RAC1: variants seen among roughly 807,000 people sequenced by gnomAD.
RAC1 encodes ras-related C3 botulinum toxin substrate 1.
Under a neutral mutation model 25.2 loss-of-function variants are expected in RAC1, and 2 were observed. The observed-to-expected ratio is 0.08, with a 90% CI of 0.03 to 0.25. The LOEUF (loss-of-function observed/expected upper bound fraction) is 0.25. Ranked by LOEUF, RAC1 falls within the 10% of genes least tolerant of loss-of-function variation. RAC1 has a pLI of 1.00. For missense variants in RAC1, 50 were observed against 235.7 expected (o/e 0.21, Z 5.16); for synonymous variants, 88 against 94.0 (o/e 0.94, Z 0.37).
chr7:6,399,634 C>T (rs895888427), intron 3 of RAC1, among the ~76,000 whole-genome samples: 2 of 152,210 alleles, frequency 1.3e-5, no homozygotes, highest in African/African-American at 4.8e-5. Context: ...ACTAAGTCCT[C>T]CTTCCTTGTG....
intron 3 of RAC1, among the ~76,000 whole-genome samples, chr7:6,397,017 C>T (rs1468332836): frequency 5.2e-5 from 7 of 135,106 alleles, no homozygotes; most frequent in African/African-American, 8.5e-5. Flanking sequence ...GGCGACAGAG[C>T]GAGACTCCCT....
chr7:6,398,073 G>C (rs1783297766), intron 3 of RAC1, among the ~76,000 whole-genome samples: 1 of 152,184 alleles, frequency 6.6e-6, no homozygotes, highest in Non-Finnish European at 1.5e-5. Flanking sequence ...CAACAGTGCT[G>C]ATTTTGATAA....
intron 1 of RAC1, among the ~76,000 whole-genome samples, chr7:6,376,867 A>G (rs1421387282): frequency 2.1e-5 from 3 of 145,730 alleles, no homozygotes; most frequent in South Asian, 2.2e-4. Context: ...AGATACGTTT[A>G]TTTAATACTA....
intron 1 of RAC1, among the ~76,000 whole-genome samples, chr7:6,379,418 T>C (rs866278): frequency 6.6e-6 from 1 of 151,516 alleles, no homozygotes; most frequent in African/African-American, 2.4e-5. Context: ...GGGATTACAG[T>C]CACGCTCCAC....
chr7:6,398,830 T>C (rs1224886366), intron 3 of RAC1: 5 of 1,000,738 alleles, frequency 5.0e-6, no homozygotes, highest in Middle Eastern at 2.1e-4. Flanking sequence ...GTTTTATATT[T>C]AATTCACTCA....
intron 3 of RAC1, chr7:6,398,528 G>C: frequency 1.4e-6 from 1 of 693,720 alleles, no homozygotes; most frequent in Non-Finnish European, 2.5e-6. Flanking sequence ...AGATATGTTA[G>C]AATCTATTGT....
intron 1 of RAC1, among the ~76,000 whole-genome samples, chr7:6,377,601 G>A (rs904824142): frequency 1.3e-5 from 2 of 151,578 alleles, no homozygotes; most frequent in Non-Finnish European, 2.9e-5. Flanking sequence ...TCTCAAAAAA[G>A]CAAAAACAAA....
intron 3 of RAC1, chr7:6,398,834 T>A: frequency 1.0e-6 from 1 of 960,702 alleles, no homozygotes; most frequent in Non-Finnish European, 1.6e-6. Context: ...TATATTTAAT[T>A]CACTCAAGGT....
chr7:6,392,809 G>A (rs1783125655), intron 3 of RAC1, among the ~76,000 whole-genome samples: 1 of 152,198 alleles, frequency 6.6e-6, no homozygotes, highest in African/African-American at 2.4e-5. Context: ...GATTCCTTGG[G>A]TTGATAACCT....
intron 2 of RAC1, 70 bp from the exon 3 acceptor site, chr7:6,391,851 CCTT>C: frequency 6.2e-7 from 1 of 1,604,464 alleles, no homozygotes; most frequent in South Asian, 1.1e-5. Context: ...TCTTGGCACA[CCTT>C]CTCTAGGATG....
intron 4 of RAC1, 47 bp downstream of exon 4, chr7:6,400,235 T>C: frequency 2.0e-6 from 3 of 1,499,832 alleles, no homozygotes; most frequent in African/African-American, 1.4e-5. Context: ...AATGATCCTC[T>C]CAGAAATAAA....
In RAC1 at chr7:6,374,554, T is replaced by TGG. The variant is rs1782521752; in HGVS notation, c.-180_-179dup. The TGG allele has an allele frequency of 5.0e-6, 1 of 199,924 alleles. No individual in the cohort carries two copies. The highest frequency in any genetic ancestry group is 1.7e-4 in the South Asian group (1 of 5,964). The allele number at this position is 199,924 out of a possible 1,614,324, so 12.4% of individuals were successfully genotyped here. A position where few individuals can be genotyped will look rare whatever the true frequency, so the allele number is the denominator to read the frequency against. Reference sequence around the variant, plus strand: ...GTTTCTCTGCAGTTTTCCTCAGCTTTGGGTGGTGGCCGCTGCCGGGCATCG... The same window carrying TGG: ...GTTTCTCTGCAGTTTTCCTCAGCTTTGGGGGTGGTGGCCGCTGCCGGGCATCG... On this transcript the variant is annotated 5_prime_UTR_variant, in exon 1 of 6. Transcript: ENST00000348035.
chr7:6,381,301 G>A (rs568663622), intron 1 of RAC1, among the ~76,000 whole-genome samples: 4 of 152,052 alleles, frequency 2.6e-5, no homozygotes, highest in African/African-American at 9.7e-5. Context: ...TCAGACTTCA[G>A]CTCAGTTGTA....
chr7:6,398,403 G>C (rs756695788), intron 3 of RAC1, among the ~76,000 whole-genome samples: 3 of 152,128 alleles, frequency 2.0e-5, no homozygotes, highest in Non-Finnish European at 4.4e-5. Flanking sequence ...ATGGGAGGAG[G>C]AGCACGTTGT....
chr7:6,394,258 C>T (rs528696078), intron 3 of RAC1, among the ~76,000 whole-genome samples: 35 of 152,300 alleles, frequency 2.3e-4, no homozygotes, highest in African/African-American at 4.6e-4. Flanking sequence ...ATTTCTTCTT[C>T]GTTCTCCAAA....
At chr7:6,383,906 G>A (rs1277290241) in intron 1 of RAC1, among the ~76,000 whole-genome samples, 2 of 140,280 alleles carry the variant, frequency 1.4e-5, no homozygotes, top group African/African-American at 5.3e-5. Context: ...GGGTTCAAGC[G>A]ACTCTCCTGC....
At chr7:6,389,943 C>G (rs576941347) in intron 2 of RAC1, among the ~76,000 whole-genome samples, 19 of 145,244 alleles carry the variant, frequency 1.3e-4, no homozygotes, top group Non-Finnish European at 2.7e-4. Context: ...CCTTCCCTCC[C>G]TCCCTCTCTC....
intron 1 of RAC1, among the ~76,000 whole-genome samples, chr7:6,382,546 C>G (rs573702363): frequency 2.0e-5 from 3 of 152,080 alleles, no homozygotes; most frequent in Admixed American, 6.6e-5. Flanking sequence ...TAAAGTTTAC[C>G]CTACTCTCCT....
rs1783442121 is a variant in RAC1 at position 6,402,528 on chromosome 7, A to AAC, written c.*83_*84insCA. ...AAAAAAAAACAAAAAAAAAAAACAA[A>AAC]AAAAAAAAACAACGGTGGAGCCTTC... On this transcript the variant is annotated 3_prime_UTR_variant, in exon 6 of 6. Transcript: ENST00000348035. 1 of 1,147,582 alleles carries AAC rather than the reference A, an allele frequency of 8.7e-7. No individual in the cohort carries two copies. The highest frequency in any genetic ancestry group is 4.1e-5 in the Admixed American group (1 of 24,638). The allele number at this position is 1,147,582 out of a possible 1,614,324, so 71.1% of individuals were successfully genotyped here.
Sources: gnomAD v4.1 joint callset for allele counts (sites outside exome capture counted in the v4.1 genomes callset) on GRCh38, gnomAD v4.1.1 for gene constraint, MANE v1.5 for transcripts, NCBI Gene and HGNC (gene_info 2026-07-23, HGNC 2026-07-21) for gene names.